The following NAALADL2 variants were observed in gnomAD, a reference collection of about 807,000 sequenced individuals.
NAALADL2 encodes inactive N-acetylated-alpha-linked acidic dipeptidase-like protein 2.
A neutral mutation model predicts 87.2 loss-of-function variants in NAALADL2; 76 were observed. The ratio of observed to expected loss-of-function variants is 0.87; its 90% CI spans 0.72 to 1.05. The LOEUF (loss-of-function observed/expected upper bound fraction) is 1.05. Among genes scored for constraint, NAALADL2 ranks in the 50% least tolerant of loss-of-function variants. NAALADL2 has a pLI of 0.00. For synonymous variants in NAALADL2, 354 were observed against 331.0 expected (o/e 1.07, Z -0.75); for missense variants, 1,089 against 945.8 (o/e 1.15, Z -1.99).
chr3:175,002,891 T>C (rs1247911771), intron 1 of NAALADL2, among the ~76,000 whole-genome samples: 1 of 152,210 alleles, frequency 6.6e-6, no homozygotes, highest in Non-Finnish European at 1.5e-5. Context: ...GCAGCAGGCA[T>C]GTATAAGTAT....
At chr3:174,725,150 T>C (rs955765172) in intron 2 of NAALADL2, among the ~76,000 whole-genome samples, 1 of 152,216 alleles carries the variant, frequency 6.6e-6, no homozygotes. Flanking sequence ...TTGTAGGTAC[T>C]CTTCTAGTTC....
chr3:175,217,122 A>G (rs1452274132), intron 2 of NAALADL2, among the ~76,000 whole-genome samples: 1 of 152,234 alleles, frequency 6.6e-6, no homozygotes, highest in East Asian at 1.9e-4. Flanking sequence ...GGATGGCAAC[A>G]TAATTGAATT....
At chr3:175,683,727 G>C (rs1735914107) in intron 11 of NAALADL2, among the ~76,000 whole-genome samples, 2 of 151,848 alleles carry the variant, frequency 1.3e-5, no homozygotes, top group South Asian at 4.2e-4. Context: ...TTTAGTTTCT[G>C]ATTCTTTGTT....
At chr3:174,793,568 A>G (rs750185615) in intron 3 of NAALADL2, among the ~76,000 whole-genome samples, 1 of 152,150 alleles carries the variant, frequency 6.6e-6, no homozygotes, top group East Asian at 1.9e-4. Flanking sequence ...AGTAAGTTGT[A>G]TGGTACTTCT....
intron 5 of NAALADL2, among the ~76,000 whole-genome samples, chr3:175,388,707 CAT>C (rs1191098075): frequency 6.6e-6 from 1 of 152,016 alleles, no homozygotes; most frequent in Non-Finnish European, 1.5e-5. Flanking sequence ...CTATATTACT[CAT>C]ATAAATTTTG....
intron 4 of NAALADL2, among the ~76,000 whole-genome samples, chr3:175,285,926 A>G (rs1001945613): frequency 1.3e-5 from 2 of 152,214 alleles, no homozygotes; most frequent in African/African-American, 4.8e-5. Context: ...AAAATATATT[A>G]TCCAGAATAT....
At chr3:175,118,865 G>T (rs7611724) in intron 2 of NAALADL2, among the ~76,000 whole-genome samples, 2,738 of 151,668 alleles carry the variant, frequency 0.018, 89 homozygotes, top group African/African-American at 0.063. Flanking sequence ...TATAGCTGTG[G>T]TACTCAGATA....
rs1009630712 is a variant in NAALADL2 at position 175,437,619 on chromosome 3, C to T, written c.1091-9610C>T. Among the ~76,000 whole-genome samples the T allele has an allele frequency of 2.7e-5, 4 of 149,818 alleles. No individual in the cohort carries two copies. The South Asian group carries it at 8.6e-4, about 32-fold the overall frequency. Reference sequence around the variant, plus strand: ...AAACTACTTTAAAGTTCATATGGAACCAAAAAGGAGCCCGCATTGCCAAGT... The same window carrying T: ...AAACTACTTTAAAGTTCATATGGAATCAAAAAGGAGCCCGCATTGCCAAGT... On this transcript the variant is annotated intron_variant, in intron 5 of 13. Transcript: ENST00000454872.
chr3:175,167,568 A>G (rs899242909), intron 2 of NAALADL2, among the ~76,000 whole-genome samples: 29 of 152,122 alleles, frequency 1.9e-4, no homozygotes, highest in African/African-American at 6.8e-4. Flanking sequence ...GAGGCTCCTC[A>G]TGTAAAAACT....
chr3:174,756,765 T>C (rs1454865561), intron 3 of NAALADL2, among the ~76,000 whole-genome samples: 3 of 152,192 alleles, frequency 2.0e-5, no homozygotes, highest in Non-Finnish European at 4.4e-5. Flanking sequence ...TGATTCCTGA[T>C]CTCGCAGCCA....
intron 5 of NAALADL2, among the ~76,000 whole-genome samples, chr3:175,362,862 G>T (rs1283779669): frequency 6.8e-6 from 1 of 147,554 alleles, no homozygotes; most frequent in Non-Finnish European, 1.5e-5. Context: ...TTGACTTTTT[G>T]ATCATGGCCA....
At chr3:174,671,057 G>A (rs1005612833) in intron 2 of NAALADL2, among the ~76,000 whole-genome samples, 2 of 152,028 alleles carry the variant, frequency 1.3e-5, no homozygotes, top group Non-Finnish European at 2.9e-5. Context: ...TGCCATGATT[G>A]TAACTTCTGA....
intron 1 of NAALADL2, among the ~76,000 whole-genome samples, chr3:175,082,803 G>C (rs1165599841): frequency 6.6e-6 from 1 of 152,124 alleles, no homozygotes; most frequent in African/African-American, 2.4e-5. Context: ...CATAGGCTTG[G>C]TAAATATGTA....
chr3:175,457,145 C>T (rs1046023484), intron 6 of NAALADL2, among the ~76,000 whole-genome samples: 4 of 151,972 alleles, frequency 2.6e-5, no homozygotes, highest in African/African-American at 7.2e-5. Context: ...ATCCAACGTT[C>T]GTCACTGTCT....
chr3:175,298,139 T>TAATG (rs774474241), intron 4 of NAALADL2, among the ~76,000 whole-genome samples: 1 of 152,184 alleles, frequency 6.6e-6, no homozygotes, highest in Non-Finnish European at 1.5e-5. Context: ...TACTCATATT[T>TAATG]AATGAATGAA....
chr3:175,198,109 T>A, intron 2 of NAALADL2, among the ~76,000 whole-genome samples: 1 of 152,246 alleles, frequency 6.6e-6, no homozygotes, highest in Non-Finnish European at 1.5e-5. Flanking sequence ...ATTTATTTAA[T>A]CATAGATCAA....
Position 175,705,182 on chromosome 3 carries a change from A to G in NAALADL2, c.1897-32124A>G, listed in dbSNP as rs186979215. On this transcript the variant is annotated intron_variant, in intron 11 of 13. Coordinates refer to ENST00000454872, the MANE Select transcript of NAALADL2 (RefSeq NM_207015.3). ...GGAATAAGGAGAGGACCTCACATCA[A>G]CCTTCCAGCTGTAGGGTTCATTTTA... is the stretch of plus-strand genomic sequence containing the variant. Among the ~76,000 whole-genome samples, 101 of 152,204 alleles carry G rather than the reference A, an allele frequency of 6.6e-4. No homozygotes were observed. In the South Asian group the frequency reaches 0.011, roughly 16 times the overall value.
chr3:175,055,124 T>C (rs999142223), intron 1 of NAALADL2, among the ~76,000 whole-genome samples: 1 of 152,162 alleles, frequency 6.6e-6, no homozygotes, highest in African/African-American at 2.4e-5. Context: ...ATTTCACAGG[T>C]AGGACATTTA....
chr3:175,162,932 A>G (rs1184798499), intron 2 of NAALADL2, among the ~76,000 whole-genome samples: 1 of 152,174 alleles, frequency 6.6e-6, no homozygotes, highest in African/African-American at 2.4e-5. Context: ...TTTAAGCATG[A>G]AAATGATGTT....
Sources: gnomAD v4.1 joint callset for allele counts (sites outside exome capture counted in the v4.1 genomes callset) on GRCh38, gnomAD v4.1.1 for gene constraint, MANE v1.5 for transcripts, NCBI Gene and HGNC (gene_info 2026-07-23, HGNC 2026-07-21) for gene names.